Variants in GCGR observed in about 807,000 individuals in gnomAD.
GCGR encodes glucagon receptor.
Under a neutral mutation model 56.1 loss-of-function variants are expected in GCGR, and 41 were observed. The ratio of observed to expected loss-of-function variants is 0.73; its 90% CI spans 0.57 to 0.95. GCGR has a LOEUF of 0.95. Ranked by LOEUF, GCGR falls within the 40% of genes least tolerant of loss-of-function variation. The pLI, the probability that GCGR is intolerant of heterozygous loss-of-function variation, is 0.00. For missense variants in GCGR, 595 were observed against 638.2 expected (o/e 0.93, Z 0.73); for synonymous variants, 278 against 271.1 (o/e 1.03, Z -0.25).
Position 81,813,553 on chromosome 17 carries a change from ACAGGGCCT to A in GCGR, c.1301_1308del (p.Arg434IlefsTer35). On this transcript the variant is annotated frameshift_variant, in exon 14 of 14. Transcript: ENST00000400723. LOFTEE classifies it low-confidence loss of function (END_TRUNC). This position sits in a 1 kb window ranked among gnomAD's most constrained non-coding sequence, Gnocchi z 5.3. ...TGGGAGGAGCGGAACACCAGCAACC[ACAGGGCCT>A]CATCTTCGCCCGGCCACGGCCCTCC... The A allele has an allele frequency of 6.5e-7, 1 of 1,536,338 alleles. No homozygotes were observed. The highest frequency in any genetic ancestry group is 1.2e-5 in the South Asian group (1 of 84,060).
At position 81,813,654 on chromosome 17, in the gene GCGR, G is replaced by A; in HGVS notation, c.1399G>A (p.Gly467Ser). ...QDSSAETPLA[G>S]GLPRLAESPF ...TTCATCTGCGGAGACCCCCTTGGCT[G>A]GTGGCCTCCCTAGATTGGCTGAGAG... The change falls in exon 14 of 14, where the codon GGT (glycine) becomes AGT (serine). Residue 467 changes from glycine to serine, a missense_variant. By Grantham distance (56) the Gly-to-Ser change is moderately conservative. Transcript: ENST00000400723. The surrounding 1 kb of genome is among the most constrained non-coding windows in gnomAD (Gnocchi z 5.3). 1 of 1,535,990 alleles carries A rather than the reference G, an allele frequency of 6.5e-7. No individual in the cohort carries two copies. Among genetic ancestry groups the A allele is most frequent in the African/African-American group, 1.4e-5 (1 of 73,132 alleles).
At position 81,812,619 on chromosome 17, in the gene GCGR, G is replaced by A. The variant is rs1277265410; in HGVS notation, c.991G>A (p.Ala331Thr). The part of the protein sequence containing the change: ...IFVRIVQLLV[A>T]KLRARQMHHT... The stretch of plus-strand genomic sequence containing the variant: ...CGTCCGCATCGTTCAGCTGCTCGTG[G>A]CCAAGCTGCGGGCACGGCAGATGCA... Residue 331 changes from alanine to threonine, a missense_variant, in exon 11 of 14, where the codon GCC becomes ACC. Ala to Thr is a moderately conservative substitution (Grantham distance 58). Coordinates refer to ENST00000400723, the MANE Select transcript of GCGR (RefSeq NM_000160.5). The surrounding 1 kb of genome is among the most constrained non-coding windows in gnomAD (Gnocchi z 8.5). 2 of 1,536,484 alleles carry A rather than the reference G, an allele frequency of 1.3e-6. 1 individual carries two copies. Among genetic ancestry groups the A allele is most frequent in the South Asian group, 2.4e-5 (2 of 84,042 alleles).
intron 2 of GCGR, 28 bp from the exon 3 acceptor site, chr17:81,809,754 T>TCTGA (rs1174931547): frequency 1.1e-5 from 17 of 1,508,294 alleles, no homozygotes; most frequent in African/African-American, 1.4e-5. Flanking sequence ...TGTCTGTCTG[T>TCTGA]CTGGTTGCTT....
At position 81,812,684 on chromosome 17, in the gene GCGR, G is replaced by A. The variant is rs1324446167; in HGVS notation, c.1037+19G>A. On this transcript the variant is annotated intron_variant, in intron 11 of 13. Transcript: ENST00000400723. This position sits in a 1 kb window ranked among gnomAD's most constrained non-coding sequence, Gnocchi z 8.5. ...AGTTCCGGTGGGTGCCGCGGCAGCT[G>A]GCGTCTCGAGACCTGGAGACCCTCA... The A allele has an allele frequency of 3.3e-6, 5 of 1,531,804 alleles. No homozygotes were observed. The highest frequency in any genetic ancestry group is 4.4e-6 in the Non-Finnish European group (5 of 1,143,440). The allele number at this position is 1,531,804 out of a possible 1,614,324, so 94.9% of individuals were successfully genotyped here. A position where few individuals can be genotyped will look rare whatever the true frequency, so the allele number is the denominator to read the frequency against.
intron 2 of GCGR, 33 bp from the exon 3 acceptor site, chr17:81,809,749 G>T: frequency 6.7e-7 from 1 of 1,501,754 alleles, no homozygotes; most frequent in Non-Finnish European, 9.0e-7. Context: ...CTGTCTGTCT[G>T]TCTGTCTGGT....
rs368849606 is a variant in GCGR, at chr17:81,812,179, G to A, written c.879-4G>A. ...CCCAGTATGTGAGTGGCCTGGCCTC[G>A]CAGGTGCTGGACCAGCAATGACAAC... On this transcript the variant is annotated splice_region_variant and splice_polypyrimidine_tract_variant and intron_variant, in intron 9 of 13. Transcript: ENST00000400723. The surrounding 1 kb of genome is among the most constrained non-coding windows in gnomAD (Gnocchi z 8.5). 3.6e-4 allele frequency: 557 copies of A among 1,536,010 alleles called. 1 individual carries two copies. The highest frequency in any genetic ancestry group is 4.6e-4 in the Non-Finnish European group (529 of 1,146,774).
intron 1 of GCGR, chr17:81,805,057 C>T (rs1222324965): frequency 6.6e-6 from 1 of 152,408 alleles, no homozygotes; most frequent in Non-Finnish European, 1.5e-5. Flanking sequence ...GCCTGTGGCC[C>T]CTGATCCCGC....
In GCGR at chr17:81,808,835, T is replaced by C; in HGVS notation, c.-177-7T>C. The C allele has an allele frequency of 1.4e-6, 1 of 698,250 alleles. No individual in the cohort carries two copies. Among genetic ancestry groups the C allele is most frequent in the Non-Finnish European group, 2.4e-6 (1 of 417,800 alleles). 43.3% of individuals were successfully genotyped at this position (698,250 alleles called of 1,614,324 possible). On this transcript the variant is annotated splice_region_variant and splice_polypyrimidine_tract_variant and intron_variant, in intron 1 of 13. Coordinates refer to ENST00000400723, the MANE Select transcript of GCGR (RefSeq NM_000160.5). ...CGCCCGGCCCCCAGCTCCCTCTTTA[T>C]CCCTAGGACCCTGAGGCTCAGAGGG...
Position 81,806,855 on chromosome 17 carries a change from C to A in GCGR, c.-177-1987C>A, listed in dbSNP as rs1027205876. Among the ~76,000 whole-genome samples, 1 of 151,838 alleles carries A rather than the reference C, an allele frequency of 6.6e-6. No homozygotes were observed. The highest frequency in any genetic ancestry group is 1.5e-5 in the Non-Finnish European group (1 of 67,952). ...ATTGGCCAGTGTCCTTCCTCCTTGT[C>A]CCCCGCCTGCATCTCCACCATCCAC... On this transcript the variant is annotated intron_variant, in intron 1 of 13. Coordinates refer to ENST00000400723, the MANE Select transcript of GCGR (RefSeq NM_000160.5). This position sits in a 1 kb window ranked among gnomAD's most constrained non-coding sequence, Gnocchi z 6.5.
chr17:81,813,107 C>T lies in GCGR; in HGVS notation c.1218+50C>T, dbSNP rs775494159. 14 of 1,534,262 alleles carry T rather than the reference C, an allele frequency of 9.1e-6. No individual in the cohort carries two copies. The highest frequency in any genetic ancestry group is 1.2e-5 in the South Asian group (1 of 83,972). ...GACCATCAGCACTGGCCGTCGGGGT[C>T]AGGGGCAGAGAGAGGCACAGGGATG... On this transcript the variant is annotated intron_variant, in intron 13 of 13. Transcript: ENST00000400723. This position sits in a 1 kb window ranked among gnomAD's most constrained non-coding sequence, Gnocchi z 5.3.
At chr17:81,805,467 G>T (rs1171674083) in intron 1 of GCGR, among the ~76,000 whole-genome samples, 2 of 152,150 alleles carry the variant, frequency 1.3e-5, no homozygotes, top group East Asian at 3.9e-4. Flanking sequence ...TGGGGGTCTA[G>T]AGAAGGCGGG....
intron 2 of GCGR, 80 bp from the exon 3 acceptor site, chr17:81,809,702 C>CCTGTCTGCCTGT (rs878966307): frequency 7.2e-6 from 7 of 973,284 alleles, no homozygotes; most frequent in East Asian, 2.7e-5. Context: ...TACCTGCCTG[C>CCTGTCTGCCTGT]CTGTCTGCCT....
In GCGR at chr17:81,812,921, C is replaced by G; in HGVS notation, c.1152C>G (p.Phe384Leu). Residue 384 changes from phenylalanine to leucine, a missense_variant, in exon 12 of 14, where the codon TTC becomes TTG. Physicochemically the swap from Phe to Leu is conservative, Grantham distance 22 (BLOSUM62 0). Transcript: ENST00000400723. The surrounding 1 kb of genome is among the most constrained non-coding windows in gnomAD (Gnocchi z 8.5). ...QGTLRSAKLF[F>L]DLFLSSFQGL... ...CCCTGCGCTCCGCCAAGCTCTTCTT[C>G]GACCTCTTCCTCAGCTCCTTCCAGG... 2 of 1,536,062 alleles carry G rather than the reference C, an allele frequency of 1.3e-6. No homozygotes were observed. Among genetic ancestry groups the G allele is most frequent in the Non-Finnish European group, 8.7e-7 (1 of 1,146,712 alleles).
At position 81,812,532 on chromosome 17, in the gene GCGR, TC is replaced by T. The variant is rs2038123018; in HGVS notation, c.949-42del. 1.3e-6 allele frequency: 2 copies of T among 1,506,384 alleles called. No individual in the cohort carries two copies. Among genetic ancestry groups the T allele is most frequent in the African/African-American group, 2.8e-5 (2 of 72,388 alleles). 93.3% of individuals were successfully genotyped at this position (1,506,384 alleles called of 1,614,324 possible). On this transcript the variant is annotated intron_variant, in intron 10 of 13. Coordinates refer to ENST00000400723, the MANE Select transcript of GCGR (RefSeq NM_000160.5). The surrounding 1 kb of genome is among the most constrained non-coding windows in gnomAD (Gnocchi z 8.5). ...GGGCCTTCCAAGGGCACAGAGCTGT[TC>T]CCTGGGGCTCGGGATGCCCCTGACT...
At position 81,812,426 on chromosome 17, in the gene GCGR, TGGCTGTGTGCCCACCAGCCCCAG is replaced by T. The variant is rs1392630668; in HGVS notation, c.949-146_949-124del. 3.9e-6 allele frequency: 4 copies of T among 1,038,200 alleles called. No individual in the cohort carries two copies. The highest frequency in any genetic ancestry group is 5.6e-6 in the Non-Finnish European group (4 of 717,986). The allele number at this position is 1,038,200 out of a possible 1,614,324, so 64.3% of individuals were successfully genotyped here. ...GACACTGAGCCAGGCTGTTCCTCCC[TGGCTGTGTGCCCACCAGCCCCAG>T]GGCTATGTGGCCCAGGGCCTATCTT... On this transcript the variant is annotated intron_variant, in intron 10 of 13. Transcript: ENST00000400723. The surrounding 1 kb of genome is among the most constrained non-coding windows in gnomAD (Gnocchi z 8.5).
Position 81,811,064 on chromosome 17 carries a change from G to T in GCGR, c.326G>T (p.Gly109Val). The change falls in exon 5 of 14, where the codon GGA (glycine) becomes GTA (valine). Residue 109 changes from glycine (G) to valine (V), a missense_variant. By Grantham distance (109) the Gly-to-Val change is moderately radical. Transcript: ENST00000400723. This position sits in a 1 kb window ranked among gnomAD's most constrained non-coding sequence, Gnocchi z 5.8. ...GGGCCCGACGGTCAGTGGGTGCGTG[G>T]ACCCCGGGGGCAGCCTTGGCGTGAT... ...RCGPDGQWVR[G>V]PRGQPWRDAS... is the part of the protein sequence containing the mutation. The T allele has an allele frequency of 6.5e-7, 1 of 1,536,202 alleles. No homozygotes were observed. The highest frequency in any genetic ancestry group is 1.2e-5 in the South Asian group (1 of 84,062).
Position 81,812,201 on chromosome 17 carries a change from C to T in GCGR, c.897C>T (p.Asp299=). 2.6e-6 allele frequency: 4 copies of T among 1,536,258 alleles called. No individual in the cohort carries two copies. The highest frequency in any genetic ancestry group is 2.6e-6 in the Non-Finnish European group (3 of 1,146,790). The change falls in exon 10 of 14, where the codon GAC becomes GAT. Residue 299 remains aspartate, a synonymous_variant. Coordinates refer to ENST00000400723, the MANE Select transcript of GCGR (RefSeq NM_000160.5). This position sits in a 1 kb window ranked among gnomAD's most constrained non-coding sequence, Gnocchi z 8.5. ...FENVQCWTSN[D]NMGFWWILRF... ...CTCGCAGGTGCTGGACCAGCAATGA[C>T]AACATGGGCTTCTGGTGGATCCTGC...
Position 81,811,418 on chromosome 17 carries a change from C to G in GCGR, c.515C>G (p.Thr172Ser). 6.5e-7 allele frequency: 1 copy of G among 1,536,462 alleles called. No individual in the cohort carries two copies. The highest frequency in any genetic ancestry group is 8.7e-7 in the Non-Finnish European group (1 of 1,146,854). ...TGTGCCCACAGCAAGCTGCACTGCA[C>G]CCGCAATGCCATCCACGCGAATCTG... is the stretch of plus-strand genomic sequence containing the variant. ...ILGGLSKLHC[T>S]RNAIHANLFA... Residue 172 changes from threonine to serine, a missense_variant, in exon 7 of 14, where the codon ACC (threonine) becomes AGC (serine). Physicochemically the swap from Thr to Ser is moderately conservative, Grantham distance 58 (BLOSUM62 1). Coordinates refer to ENST00000400723, the MANE Select transcript of GCGR (RefSeq NM_000160.5). The surrounding 1 kb of genome is among the most constrained non-coding windows in gnomAD (Gnocchi z 5.8).
In GCGR at chr17:81,812,026, C is replaced by G; in HGVS notation, c.878+80C>G. On this transcript the variant is annotated intron_variant, in intron 9 of 13. Transcript: ENST00000400723. The surrounding 1 kb of genome is among the most constrained non-coding windows in gnomAD (Gnocchi z 8.5). Reference sequence around the variant, plus strand: ...GCTCTGGCCTGAGGCAGGGAGGGGCCGGGGATGAGCCTGGTGCCTGGGGAG... The same window carrying G: ...GCTCTGGCCTGAGGCAGGGAGGGGCGGGGGATGAGCCTGGTGCCTGGGGAG... 16 of 1,502,340 alleles carry G rather than the reference C, an allele frequency of 1.1e-5. No individual in the cohort carries two copies. Among genetic ancestry groups the G allele is most frequent in the Non-Finnish European group, 1.4e-5 (16 of 1,121,474 alleles). 93.1% of individuals were successfully genotyped at this position (1,502,340 alleles called of 1,614,324 possible).
Sources: allele counts gnomAD v4.1 joint callset (sites outside exome capture counted in the v4.1 genomes callset), GRCh38; gene constraint gnomAD v4.1.1; non-coding constraint Gnocchi (gnomAD v3.1); transcripts MANE v1.5; gene names NCBI Gene and HGNC (gene_info 2026-07-23, HGNC 2026-07-21).